ABAT: variants seen among roughly 807,000 people sequenced by gnomAD.
ABAT encodes 4-aminobutyrate aminotransferase.
In ABAT, 45 loss-of-function variants were observed where a neutral mutation model predicts 64.6. That is an observed-to-expected ratio of 0.70 (90% CI 0.55 to 0.89). The LOEUF (loss-of-function observed/expected upper bound fraction) is 0.89, where lower values mean the gene tolerates loss of function less well. Among genes scored for constraint, ABAT ranks in the 40% least tolerant of loss-of-function variants. ABAT has a pLI of 0.00. For synonymous variants in ABAT, 297 were observed against 250.5 expected (o/e 1.19, Z -1.75); for missense variants, 633 against 658.4 (o/e 0.96, Z 0.42).
chr16:8,743,683 A>ACT, intron 2 of ABAT, among the ~76,000 whole-genome samples: 1 of 48,098 alleles, frequency 2.1e-5, no homozygotes, highest in Non-Finnish European at 4.6e-5. Context: ...TATATATTTT[A>ACT]GTTATAATAT....
At chr16:8,719,772 A>G (rs78582114) in intron 1 of ABAT, among the ~76,000 whole-genome samples, 1,720 of 152,128 alleles carry the variant, frequency 0.011, 10 homozygotes, top group African/African-American at 0.015. Flanking sequence ...GGAGGAGGAG[A>G]AGGAGAAGGA....
At chr16:8,761,309 C>T (rs531795376) in intron 6 of ABAT, among the ~76,000 whole-genome samples, 2 of 152,102 alleles carry the variant, frequency 1.3e-5, no homozygotes, top group Admixed American at 6.6e-5. Context: ...TCCCACCTCC[C>T]TTCTCACCCC....
chr16:8,686,248 G>T lies in ABAT; in HGVS notation c.-42+11537G>T, dbSNP rs187135797. Among the ~76,000 whole-genome samples, 4 of 152,336 alleles carry T rather than the reference G, an allele frequency of 2.6e-5. No individual in the cohort carries two copies. In the East Asian group the frequency reaches 7.7e-4, roughly 29 times the overall value. On this transcript the variant is annotated intron_variant, in intron 1 of 15. Transcript: ENST00000268251. Reference sequence around the variant, plus strand: ...AAAATGCACACACCAAGGAGCATTTGTGCAAATGAATGCCTGCATGCAAAT... The same window carrying T: ...AAAATGCACACACCAAGGAGCATTTTTGCAAATGAATGCCTGCATGCAAAT...
chr16:8,698,298 C>T (rs2057747061), intron 1 of ABAT, among the ~76,000 whole-genome samples: 1 of 151,744 alleles, frequency 6.6e-6, no homozygotes, highest in Non-Finnish European at 1.5e-5. Context: ...TGCTCATATG[C>T]TCATGGACCC....
At chr16:8,707,924 C>G (rs2057984936) in intron 1 of ABAT, among the ~76,000 whole-genome samples, 1 of 152,186 alleles carries the variant, frequency 6.6e-6, no homozygotes, top group Non-Finnish European at 1.5e-5. Context: ...AGTCATGAAA[C>G]TCATGAAATC....
chr16:8,751,047 C>G (rs529771128), intron 5 of ABAT, among the ~76,000 whole-genome samples: 1 of 147,742 alleles, frequency 6.8e-6, no homozygotes, highest in South Asian at 2.2e-4. Flanking sequence ...CTCCCGGGTT[C>G]AAGTGATTCT....
At chr16:8,778,776 CAAAAAAA>C (rs71152934) in intron 14 of ABAT, among the ~76,000 whole-genome samples, 2 of 133,644 alleles carry the variant, frequency 1.5e-5, no homozygotes, top group Non-Finnish European at 3.2e-5. Flanking sequence ...GACTCCATCT[CAAAAAAA>C]AAAAACAAAA....
At chr16:8,769,738 C>T (rs564093600) in intron 11 of ABAT, among the ~76,000 whole-genome samples, 5 of 152,250 alleles carry the variant, frequency 3.3e-5, no homozygotes, top group Non-Finnish European at 5.9e-5. Context: ...GCAGCACCCC[C>T]CTACCCCCCG....
rs763704300 is a variant in ABAT at position 8,735,829 on chromosome 16, A to C, written c.70+20A>C. On this transcript the variant is annotated intron_variant, in intron 2 of 15. Transcript: ENST00000268251. Reference sequence around the variant, plus strand: ...TGCCTGGTAAGCCCCGGGGGTCTTGATAAGAACTGGTACTAATGGAAGATA... The same window carrying C: ...TGCCTGGTAAGCCCCGGGGGTCTTGCTAAGAACTGGTACTAATGGAAGATA... The C allele has an allele frequency of 2.5e-6, 4 of 1,583,440 alleles. No homozygotes were observed. The Admixed American group carries it at 7.1e-5, about 28-fold the overall frequency.
intron 1 of ABAT, among the ~76,000 whole-genome samples, chr16:8,727,701 G>C (rs1000627424): frequency 6.6e-6 from 1 of 152,058 alleles, no homozygotes; most frequent in Non-Finnish European, 1.5e-5. Context: ...TTTTCTTTCC[G>C]CTCATAGTTC....
At chr16:8,691,268 G>C (rs909115328) in intron 1 of ABAT, among the ~76,000 whole-genome samples, 2 of 152,076 alleles carry the variant, frequency 1.3e-5, no homozygotes, top group Admixed American at 1.3e-4. Flanking sequence ...TACAGATGAG[G>C]GGCTATTACA....
chr16:8,750,395 C>T (rs1292154792), intron 4 of ABAT, 27 bp from the exon 5 acceptor site: 4 of 1,585,050 alleles, frequency 2.5e-6, no homozygotes, highest in Non-Finnish European at 3.5e-6. Flanking sequence ...TGGCAGTGAG[C>T]CTGAGTTGGT....
chr16:8,758,630 G>A (rs1357519007), intron 6 of ABAT, among the ~76,000 whole-genome samples: 1 of 152,096 alleles, frequency 6.6e-6, no homozygotes, highest in Non-Finnish European at 1.5e-5. Flanking sequence ...AGCATCCCAG[G>A]ACTCTACCCA....
At chr16:8,749,078 T>G (rs1181576113) in intron 4 of ABAT, among the ~76,000 whole-genome samples, 1 of 151,834 alleles carries the variant, frequency 6.6e-6, no homozygotes, top group Non-Finnish European at 1.5e-5. Flanking sequence ...TGTCTTTTGT[T>G]CTTTTGTTCC....
At chr16:8,760,894 C>T (rs528863789) in intron 6 of ABAT, among the ~76,000 whole-genome samples, 9 of 152,072 alleles carry the variant, frequency 5.9e-5, no homozygotes, top group South Asian at 2.1e-4. Flanking sequence ...GGCAACATAT[C>T]GAGACCCTGT....
chr16:8,680,186 T>C (rs2141901850), intron 1 of ABAT, among the ~76,000 whole-genome samples: 1 of 152,142 alleles, frequency 6.6e-6, no homozygotes, highest in South Asian at 2.1e-4. Context: ...TCTTCCTGGG[T>C]CCATCACATC....
intron 2 of ABAT, chr16:8,738,371 T>C (rs899724052): frequency 1.3e-5 from 6 of 455,292 alleles, no homozygotes; most frequent in Middle Eastern, 6.5e-4. Context: ...CTTGGTATGT[T>C]ACCATTAACC....
At position 8,748,098 on chromosome 16, in the gene ABAT, T is replaced by C; in HGVS notation, c.169-10T>C. ...ACTTGCTATAATGCTTTTGTTGTTC[T>C]TGCCTGCAGGAGTTAATGAAACAGC... On this transcript the variant is annotated splice_polypyrimidine_tract_variant and intron_variant, in intron 3 of 15. Transcript: ENST00000268251. 1.9e-6 allele frequency: 3 copies of C among 1,613,396 alleles called. No homozygotes were observed. Among genetic ancestry groups the C allele is most frequent in the Non-Finnish European group, 2.5e-6 (3 of 1,179,442 alleles).
chr16:8,725,991 C>A (rs1024149294), intron 1 of ABAT, among the ~76,000 whole-genome samples: 13 of 152,016 alleles, frequency 8.6e-5, no homozygotes, highest in African/African-American at 3.1e-4. Context: ...TGCTCCCTGC[C>A]CCTCCCTGGG....
Sources: allele counts gnomAD v4.1 joint callset (sites outside exome capture counted in the v4.1 genomes callset), GRCh38; gene constraint gnomAD v4.1.1; transcripts MANE v1.5; gene names NCBI Gene and HGNC (gene_info 2026-07-23, HGNC 2026-07-21).